NR2F6: variants seen among roughly 807,000 people sequenced by gnomAD.
The protein encoded by NR2F6 is ERBA-related gene-2.
NR2F6 carries 16 observed loss-of-function variants against 26.5 expected under a neutral mutation model. That is an observed-to-expected ratio of 0.60 (90% CI 0.41 to 0.92). The LOEUF is 0.92. Ranked by LOEUF, NR2F6 falls within the 40% of genes least tolerant of loss-of-function variation. NR2F6 has a pLI of 0.00. For synonymous variants in NR2F6, 325 were observed against 305.0 expected (o/e 1.07, Z -0.68); for missense variants, 536 against 631.7 (o/e 0.85, Z 1.62).
At position 17,232,337 on chromosome 19, in the gene NR2F6, G is replaced by T; in HGVS notation, c.*15C>A. On this transcript the variant is annotated 3_prime_UTR_variant, in exon 4 of 4. Coordinates refer to ENST00000291442, the MANE Select transcript of NR2F6 (RefSeq NM_005234.4). ...GTCTGCAGGCCTGGCCACAGCACAC[G>T]TGGCCCCGTCATGGTCACTGGCCCG... 1 of 1,613,668 alleles carries T rather than the reference G, an allele frequency of 6.2e-7. No individual in the cohort carries two copies. Among genetic ancestry groups the T allele is most frequent in the South Asian group, 1.1e-5 (1 of 91,066 alleles).
intron 3 of NR2F6, among the ~76,000 whole-genome samples, chr19:17,233,284 G>A (rs2073417817): frequency 6.6e-6 from 1 of 151,146 alleles, no homozygotes; most frequent in African/African-American, 2.4e-5. Context: ...AGCACAGCCT[G>A]GGCGACAGAG....
chr19:17,233,981 T>C (rs2145562722), intron 3 of NR2F6, among the ~76,000 whole-genome samples: 1 of 151,862 alleles, frequency 6.6e-6, no homozygotes, highest in African/African-American at 2.4e-5. Flanking sequence ...TCCCAGCACT[T>C]TGGGAGGCTG....
chr19:17,232,756 CA>C, intron 3 of NR2F6, 130 bp from the exon 4 acceptor site: 1 of 1,124,362 alleles, frequency 8.9e-7, no homozygotes, highest in Non-Finnish European at 1.2e-6. Flanking sequence ...CTCACGGCCA[CA>C]GTCCCAGCAC....
Position 17,235,992 on chromosome 19 carries a change from C to A in NR2F6, c.447G>T (p.Ser149=), listed in dbSNP as rs1446524297. Residue 149 remains serine (S), a synonymous_variant, in exon 3 of 4, where the codon TCG becomes TCT. Coordinates refer to ENST00000291442, the MANE Select transcript of NR2F6 (RefSeq NM_005234.4). This position sits in a 1 kb window ranked among gnomAD's most constrained non-coding sequence, Gnocchi z 5.0. ...CGCCGCTCGCCACTGCCGCCAGCGC[C>A]GAGCCCGGGGGGCTGCCCGAGGAGG... ...VAASSGSPPG[S]ALAAVASGGD... 13 of 1,445,786 alleles carry A rather than the reference C, an allele frequency of 9.0e-6. No individual in the cohort carries two copies. The highest frequency in any genetic ancestry group is 1.2e-5 in the Non-Finnish European group (13 of 1,104,018). The allele number at this position is 1,445,786 out of a possible 1,614,324, so 89.6% of individuals were successfully genotyped here. A position where few individuals can be genotyped will look rare whatever the true frequency, so the allele number is the denominator to read the frequency against.
At chr19:17,242,834 A>C (rs914951083) in intron 1 of NR2F6, among the ~76,000 whole-genome samples, 1 of 152,142 alleles carries the variant, frequency 6.6e-6, no homozygotes, top group African/African-American at 2.4e-5. Context: ...CCATCCCTCC[A>C]AGGAGGGAAA....
In NR2F6 at chr19:17,235,732, C is replaced by A. The variant is rs2073432725; in HGVS notation, c.707G>T (p.Arg236Leu). ...CACGAAGAGCTCGCTCCAGCTCAGG[C>A]GCAGCAGCGCCACCTGGTCGGCCAC... is the stretch of plus-strand genomic sequence containing the variant. ...LPVADQVALL[R>L]LSWSELFVLN... Residue 236 changes from arginine to leucine, a missense_variant, in exon 3 of 4, where the codon CGC becomes CTC. Transcript: ENST00000291442. The surrounding 1 kb of genome is among the most constrained non-coding windows in gnomAD (Gnocchi z 5.0). 2.0e-6 allele frequency: 3 copies of A among 1,500,882 alleles called. No homozygotes were observed. The highest frequency in any genetic ancestry group is 2.6e-6 in the Non-Finnish European group (3 of 1,133,712). 93.0% of individuals were successfully genotyped at this position (1,500,882 alleles called of 1,614,324 possible).
chr19:17,243,520 C>T (rs2073479936), intron 1 of NR2F6, among the ~76,000 whole-genome samples: 2 of 152,080 alleles, frequency 1.3e-5, no homozygotes, highest in Non-Finnish European at 2.9e-5. Context: ...CCTGGGACCC[C>T]AAAACTGCCT....
Position 17,231,966 on chromosome 19 carries a change from T to C in NR2F6, c.*386A>G, listed in dbSNP as rs2073409803. ...AGGTTACGTGTCCAGAGGATCTGCC[T>C]GGCACACGCTAGCTACCCCTGCCCA... On this transcript the variant is annotated 3_prime_UTR_variant, in exon 4 of 4. Transcript: ENST00000291442. 1 of 248,602 alleles carries C rather than the reference T, an allele frequency of 4.0e-6. No individual in the cohort carries two copies. Among genetic ancestry groups the C allele is most frequent in the East Asian group, 1.1e-4 (1 of 8,888 alleles). 15.4% of individuals were successfully genotyped at this position (248,602 alleles called of 1,614,324 possible). A position where few individuals can be genotyped will look rare whatever the true frequency, so the allele number is the denominator to read the frequency against.
At position 17,245,463 on chromosome 19, in the gene NR2F6, G is replaced by A. The variant is rs995358871; in HGVS notation, c.-243C>T. On this transcript the variant is annotated 5_prime_UTR_variant, in exon 1 of 4. Transcript: ENST00000291442. This position sits in a 1 kb window ranked among gnomAD's most constrained non-coding sequence, Gnocchi z 5.0. The stretch of plus-strand genomic sequence containing the variant: ...GCGGGGCCGGGCCCGGGGCCGGGAG[G>A]GGCACGCTAGAGGCGCGGGCCGGGG... The A allele has an allele frequency of 6.6e-5, 15 of 226,972 alleles. No homozygotes were observed. The highest frequency in any genetic ancestry group is 1.1e-4 in the Non-Finnish European group (13 of 120,658). The allele number at this position is 226,972 out of a possible 1,614,324, so 14.1% of individuals were successfully genotyped here. A position where few individuals can be genotyped will look rare whatever the true frequency, so the allele number is the denominator to read the frequency against.
Position 17,235,853 on chromosome 19 carries a change from C to G in NR2F6, c.586G>C (p.Val196Leu). ...FGAGGGAAGA[V>L]LGIDNVCELA... ...TCGCACACGTTGTCGATGCCCAGCACCGCGCCCGCCGCGCCGCCCCCTGCG... is the reference window on the plus strand; with the variant it reads ...TCGCACACGTTGTCGATGCCCAGCAGCGCGCCCGCCGCGCCGCCCCCTGCG... Residue 196 changes from valine (V) to leucine (L), a missense_variant, in exon 3 of 4, where the codon GTG becomes CTG. By Grantham distance (32) the Val-to-Leu change is conservative. Transcript: ENST00000291442. This position sits in a 1 kb window ranked among gnomAD's most constrained non-coding sequence, Gnocchi z 5.0. The G allele has an allele frequency of 6.8e-7, 1 of 1,469,484 alleles. No homozygotes were observed. The highest frequency in any genetic ancestry group is 8.9e-7 in the Non-Finnish European group (1 of 1,119,004). The allele number at this position is 1,469,484 out of a possible 1,614,324, so 91.0% of individuals were successfully genotyped here.
At chr19:17,244,887 G>C in intron 1 of NR2F6, 56 bp downstream of exon 1, 3 of 1,538,276 alleles carry the variant, frequency 2.0e-6, no homozygotes, top group Non-Finnish European at 2.6e-6. Context: ...CAGGTCAGAG[G>C]CCTGCCCCAG....
Position 17,245,177 on chromosome 19 carries a change from G to C in NR2F6, c.44C>G (p.Thr15Arg). ...TGGWGGPGGD[T>R]NGVDKAGGYP... The stretch of plus-strand genomic sequence containing the variant: ...GCCGCCCGCCTTGTCCACGCCGTTC[G>C]TGTCGCCGCCGGGGCCGCCCCAGCC... Residue 15 changes from threonine to arginine, a missense_variant, in exon 1 of 4, where the codon ACG (threonine) becomes AGG (arginine). Thr to Arg is a moderately conservative substitution (Grantham distance 71). Transcript: ENST00000291442. The surrounding 1 kb of genome is among the most constrained non-coding windows in gnomAD (Gnocchi z 5.0). The C allele has an allele frequency of 3.6e-6, 5 of 1,402,232 alleles. No homozygotes were observed. Among genetic ancestry groups the C allele is most frequent in the Non-Finnish European group, 4.6e-6 (5 of 1,075,714 alleles). 86.9% of individuals were successfully genotyped at this position (1,402,232 alleles called of 1,614,324 possible). A position where few individuals can be genotyped will look rare whatever the true frequency, so the allele number is the denominator to read the frequency against.
Position 17,232,395 on chromosome 19 carries a change from A to G in NR2F6, c.1172T>C (p.Leu391Pro). 6.2e-7 allele frequency: 1 copy of G among 1,614,108 alleles called. No individual in the cohort carries two copies. Among genetic ancestry groups the G allele is most frequent in the Non-Finnish European group, 8.5e-7 (1 of 1,180,026 alleles). The change falls in exon 4 of 4, where the codon CTG becomes CCG. Residue 391 changes from leucine to proline, a missense_variant. By Grantham distance (98) the Leu-to-Pro change is moderately conservative (BLOSUM62 -3). Coordinates refer to ENST00000291442, the MANE Select transcript of NR2F6 (RefSeq NM_005234.4). The stretch of plus-strand genomic sequence containing the variant: ...GGGCCAGTTGAAGGTACTCCCCGAC[A>G]GCAGCATGTCTCTGATCAGTGTCTC... ...PIETLIRDML[L>P]SGSTFNWPYG...
chr19:17,239,647 C>A, intron 2 of NR2F6, among the ~76,000 whole-genome samples: 1 of 151,052 alleles, frequency 6.6e-6, no homozygotes, highest in Non-Finnish European at 1.5e-5. Flanking sequence ...GAGCAAGACT[C>A]AGTCTCAGAA....
chr19:17,235,696 G>A lies in NR2F6; in HGVS notation c.743C>T (p.Ala248Val), dbSNP rs2073432438. Reference protein sequence around the residue: ...SWSELFVLNAAQAALPLHTAP... With the variant: ...SWSELFVLNAVQAALPLHTAP... ...CGTGTGCAGGGGCAGCGCCGCCTGC[G>A]CCGCGTTCAGCACGAAGAGCTCGCT... Residue 248 changes from alanine to valine, a missense_variant, in exon 3 of 4, where the codon GCG (alanine) becomes GTG (valine). By Grantham distance (64) the Ala-to-Val change is moderately conservative (BLOSUM62 0). Transcript: ENST00000291442. This position sits in a 1 kb window ranked among gnomAD's most constrained non-coding sequence, Gnocchi z 5.0. The A allele has an allele frequency of 1.3e-6, 2 of 1,490,950 alleles. No homozygotes were observed. Among genetic ancestry groups the A allele is most frequent in the African/African-American group, 1.5e-5 (1 of 68,242 alleles). 92.4% of individuals were successfully genotyped at this position (1,490,950 alleles called of 1,614,324 possible). A position where few individuals can be genotyped will look rare whatever the true frequency, so the allele number is the denominator to read the frequency against.
chr19:17,237,358 TTCCC>T (rs1403241020), intron 2 of NR2F6, among the ~76,000 whole-genome samples: 1 of 151,870 alleles, frequency 6.6e-6, no homozygotes, highest in Non-Finnish European at 1.5e-5. Flanking sequence ...TTTTTCTTTT[TTCCC>T]TCCCTCCCTC....
intron 1 of NR2F6, chr19:17,244,654 C>T: frequency 2.6e-6 from 1 of 386,934 alleles, no homozygotes; most frequent in South Asian, 3.1e-5. Context: ...CACCCCAGCG[C>T]GGAGATGACC....
At chr19:17,233,221 G>A (rs990690169) in intron 3 of NR2F6, among the ~76,000 whole-genome samples, 1 of 152,108 alleles carries the variant, frequency 6.6e-6, no homozygotes, top group African/African-American at 2.4e-5. Flanking sequence ...AGAGGCTGAG[G>A]TGGGAGGATC....
intron 3 of NR2F6, 45 bp from the exon 4 acceptor site, chr19:17,232,671 AAC>A: frequency 6.6e-7 from 1 of 1,507,908 alleles, no homozygotes; most frequent in South Asian, 1.3e-5. Context: ...GCAGCTAGAG[AAC>A]ACAGAGCCCA....
Sources: allele counts gnomAD v4.1 joint callset (sites outside exome capture counted in the v4.1 genomes callset), GRCh38; gene constraint gnomAD v4.1.1; non-coding constraint Gnocchi (gnomAD v3.1); transcripts MANE v1.5; gene names NCBI Gene and HGNC (gene_info 2026-07-23, HGNC 2026-07-21).